The following MYRF variants were observed in gnomAD, a reference collection of about 807,000 sequenced individuals.
The protein encoded by MYRF is myelin gene regulatory factor.
MYRF carries 16 observed loss-of-function variants against 126.3 expected under a neutral mutation model. That is an observed-to-expected ratio of 0.13 (90% confidence interval 0.09 to 0.19). The LOEUF (loss-of-function observed/expected upper bound fraction) is 0.19, where lower values mean the gene tolerates loss of function less well. MYRF is among the 10% of genes least tolerant of loss of function. The pLI is 1.00. For synonymous variants in MYRF, 608 were observed against 635.3 expected (o/e 0.96, Z 0.65); for missense variants, 1,104 against 1,547.0 (o/e 0.71, Z 4.80).
chr11:61,786,436 G>A lies in MYRF; in HGVS notation c.*293G>A, dbSNP rs2135913081. ...CCTCTTTCCAGATATGGTGGTTGGA[G>A]GGCTGGTTCAGGTGCCCTGGAGGGA... On this transcript the variant is annotated 3_prime_UTR_variant, in exon 27 of 27. Transcript: ENST00000278836. The surrounding 1 kb of genome is among the most constrained non-coding windows in gnomAD (Gnocchi z 4.5). The A allele has an allele frequency of 4.4e-6, 2 of 451,882 alleles. No homozygotes were observed. The highest frequency in any genetic ancestry group is 3.5e-5 in the Admixed American group (1 of 28,540). 28.0% of individuals were successfully genotyped at this position (451,882 alleles called of 1,614,324 possible).
chr11:61,776,154 G>T lies in MYRF; in HGVS notation c.1388+22G>T, dbSNP rs1204824189. The T allele has an allele frequency of 6.2e-7, 1 of 1,613,396 alleles. No individual in the cohort carries two copies. Among genetic ancestry groups the T allele is most frequent in the Non-Finnish European group, 8.5e-7 (1 of 1,179,480 alleles). On this transcript the variant is annotated intron_variant, in intron 9 of 26. Coordinates refer to ENST00000278836, the MANE Select transcript of MYRF (RefSeq NM_001127392.3). This position sits in a 1 kb window ranked among gnomAD's most constrained non-coding sequence, Gnocchi z 4.3. ...TCACGTGAGTGTCTGACCCTGTTGG[G>T]GGTGGTACCTAGAAGGGTCCACAAC...
chr11:61,772,595 G>A (rs1421113331), intron 7 of MYRF, among the ~76,000 whole-genome samples: 2 of 152,248 alleles, frequency 1.3e-5, no homozygotes, highest in Non-Finnish European at 2.9e-5. Flanking sequence ...TGGCTGCTGG[G>A]GTGGCTGAAG....
rs1259356414 is a variant in MYRF, at chr11:61,781,057, G to C, written c.2572+12G>C. The C allele has an allele frequency of 2.5e-6, 4 of 1,609,820 alleles. No homozygotes were observed. Among genetic ancestry groups the C allele is most frequent in the Non-Finnish European group, 3.4e-6 (4 of 1,179,894 alleles). On this transcript the variant is annotated intron_variant, in intron 20 of 26. Transcript: ENST00000278836. The stretch of plus-strand genomic sequence containing the variant: ...CTCTTTGCTGCTGGGTGCGTGTCTG[G>C]GCAGGTCTGGGTAGGACAGGGAGGT...
chr11:61,761,647 C>T (rs2065904772), intron 1 of MYRF, among the ~76,000 whole-genome samples: 1 of 152,236 alleles, frequency 6.6e-6, no homozygotes, highest in South Asian at 2.1e-4. Flanking sequence ...CCACTTGGCT[C>T]ATCCACTCCG....
intron 1 of MYRF, among the ~76,000 whole-genome samples, 151 bp downstream of exon 1, chr11:61,752,941 G>C (rs907979991): frequency 1.3e-5 from 2 of 151,916 alleles, no homozygotes; most frequent in Admixed American, 6.5e-5. Flanking sequence ...CAGGCTCCCG[G>C]GGCTGGGAGT....
rs1591116612 is a variant in MYRF, at chr11:61,776,389, G to A, written c.1456G>A (p.Ala486Thr). The change falls in exon 10 of 27, where the codon GCT becomes ACT. Residue 486 changes from alanine to threonine, a missense_variant. Physicochemically the swap from Ala to Thr is moderately conservative, Grantham distance 58 (BLOSUM62 0). Around this residue, in one of 10 missense-constraint regions of MYRF, gnomAD observed 48 missense variants for 148.2 expected, o/e 0.32. Transcript: ENST00000278836. The surrounding 1 kb of genome is among the most constrained non-coding windows in gnomAD (Gnocchi z 4.3). ...GCGGCTGCACTTCAGCGAGACCACC[G>A]CTAACAACATGCGTAAGAAGGGCAA... ...VGRLHFSETTANNMRKKGKPN... is the reference protein window; with the variant it reads ...VGRLHFSETTTNNMRKKGKPN... 6.2e-6 allele frequency: 10 copies of A among 1,613,130 alleles called. No individual in the cohort carries two copies. Among genetic ancestry groups the A allele is most frequent in the Non-Finnish European group, 8.5e-6 (10 of 1,179,868 alleles).
intron 3 of MYRF, chr11:61,767,407 G>A (rs550245675): frequency 1.5e-5 from 7 of 456,616 alleles, no homozygotes; most frequent in African/African-American, 4.0e-5. Context: ...GCTACCGTCA[G>A]GATTTTAATG....
At chr11:61,756,523 G>T (rs1312963623) in intron 1 of MYRF, among the ~76,000 whole-genome samples, 2 of 151,952 alleles carry the variant, frequency 1.3e-5, no homozygotes, top group Non-Finnish European at 2.9e-5. Context: ...TGGGAGGGGT[G>T]GCCAGGCACA....
intron 1 of MYRF, among the ~76,000 whole-genome samples, chr11:61,756,799 G>GGAA (rs1282281758): frequency 6.6e-6 from 1 of 152,060 alleles, no homozygotes; most frequent in African/African-American, 2.4e-5. Flanking sequence ...TCCTGAGACT[G>GGAA]GAAGGCTGGA....
chr11:61,780,271 G>T lies in MYRF; in HGVS notation c.2386G>T (p.Asp796Tyr). Residue 796 changes from aspartate (D) to tyrosine (Y), a missense_variant, in exon 18 of 27, where the codon GAC becomes TAC. Physicochemically the swap from Asp to Tyr is radical, Grantham distance 160. Transcript: ENST00000278836. ...LYVLSLRTEE[D>Y]LVDTDGSFAV... Reference sequence around the variant, plus strand: ...CGTGCTGAGCCTGCGCACAGAGGAGGACCTGGTAGACACTGATGGGTAGGT... The same window carrying T: ...CGTGCTGAGCCTGCGCACAGAGGAGTACCTGGTAGACACTGATGGGTAGGT... The T allele has an allele frequency of 1.2e-6, 2 of 1,613,546 alleles. No homozygotes were observed. Among genetic ancestry groups the T allele is most frequent in the South Asian group, 2.2e-5 (2 of 90,984 alleles).
chr11:61,758,518 G>A (rs1364528851), intron 1 of MYRF, among the ~76,000 whole-genome samples: 3 of 152,192 alleles, frequency 2.0e-5, no homozygotes, highest in Non-Finnish European at 4.4e-5. Context: ...GGAGGTGGGA[G>A]CTCTTCCTGG....
intron 3 of MYRF, chr11:61,766,570 G>A (rs779331351): frequency 1.8e-5 from 5 of 283,994 alleles, no homozygotes; most frequent in East Asian, 7.0e-5. Flanking sequence ...CCGTGCACGC[G>A]CGCCAAGCCC....
intron 20 of MYRF, 23 bp downstream of exon 20, chr11:61,781,068 G>C: frequency 1.2e-6 from 2 of 1,610,330 alleles, no homozygotes; most frequent in South Asian, 2.2e-5. Context: ...GCAGGTCTGG[G>C]TAGGACAGGG....
rs373376300 is a variant in MYRF, at chr11:61,772,412, C to T, written c.1115+460C>T. Among the ~76,000 whole-genome samples the T allele has an allele frequency of 5.3e-5, 8 of 152,340 alleles. No individual in the cohort carries two copies. The East Asian group carries it at 7.7e-4, about 15-fold the overall frequency. On this transcript the variant is annotated intron_variant, in intron 7 of 26. Coordinates refer to ENST00000278836, the MANE Select transcript of MYRF (RefSeq NM_001127392.3). ...GGCTCCATCTTTCCAGGCCGCAGGC[C>T]GGGAGCCCTGTGGGGACCACTCCCC...
Position 61,777,560 on chromosome 11 carries a change from C to G in MYRF, c.1791+96C>G. 1 of 1,441,948 alleles carries G rather than the reference C, an allele frequency of 6.9e-7. No individual in the cohort carries two copies. Among genetic ancestry groups the G allele is most frequent in the East Asian group, 2.5e-5 (1 of 40,066 alleles). 89.3% of individuals were successfully genotyped at this position (1,441,948 alleles called of 1,614,324 possible). On this transcript the variant is annotated intron_variant, in intron 12 of 26. Coordinates refer to ENST00000278836, the MANE Select transcript of MYRF (RefSeq NM_001127392.3). This position sits in a 1 kb window ranked among gnomAD's most constrained non-coding sequence, Gnocchi z 8.8. ...GAGGGGGCGTGACTACGCGGAAAGG[C>G]GGAGCTGCGGGGGAAGGAAGGGAGG...
rs898006068 is a variant in MYRF, at chr11:61,778,253, C to T, written c.1904-127C>T. 16 of 711,962 alleles carry T rather than the reference C, an allele frequency of 2.2e-5. No homozygotes were observed. In the African/African-American group the frequency reaches 2.3e-4, roughly 10 times the overall value. The allele number at this position is 711,962 out of a possible 1,614,324, so 44.1% of individuals were successfully genotyped here. A position where few individuals can be genotyped will look rare whatever the true frequency, so the allele number is the denominator to read the frequency against. On this transcript the variant is annotated intron_variant, in intron 13 of 26. Transcript: ENST00000278836. The surrounding 1 kb of genome is among the most constrained non-coding windows in gnomAD (Gnocchi z 4.6). ...GTGGGATCTCCCTGCTCCAGGGCTC[C>T]TTGGAATCCAAATCTCTGGGTTCCA...
intron 1 of MYRF, among the ~76,000 whole-genome samples, chr11:61,765,194 GAGGGC>G (rs1281667116): frequency 3.3e-5 from 5 of 152,210 alleles, no homozygotes; most frequent in Admixed American, 2.0e-4. Flanking sequence ...CCATCCCATC[GAGGGC>G]AGTGGGCACC....
intron 1 of MYRF, among the ~76,000 whole-genome samples, chr11:61,759,651 C>T (rs9326418): frequency 0.22 from 33,010 of 151,776 alleles, 4,626 homozygotes; most frequent in East Asian, 0.35. Context: ...GCCTGGGCAA[C>T]AGAGTGAAAC....
chr11:61,758,150 C>T (rs921222331), intron 1 of MYRF, among the ~76,000 whole-genome samples: 12 of 152,098 alleles, frequency 7.9e-5, no homozygotes, highest in African/African-American at 2.2e-4. Flanking sequence ...AGCCCCCTGC[C>T]GGCCTAGAGT....
Sources: allele counts gnomAD v4.1 joint callset (sites outside exome capture counted in the v4.1 genomes callset), GRCh38; gene constraint gnomAD v4.1.1; regional missense constraint gnomAD v4.1.1; non-coding constraint Gnocchi (gnomAD v3.1); transcripts MANE v1.5; gene names NCBI Gene and HGNC (gene_info 2026-07-23, HGNC 2026-07-21).